SYNE1: variants seen among roughly 807,000 people sequenced by gnomAD.
SYNE1 encodes the protein spectrin repeat containing nuclear envelope protein 1, also known as nesprin-1.
Under a neutral mutation model 1,111.0 loss-of-function variants are expected in SYNE1, and 616 were observed. That is an observed-to-expected ratio of 0.55 (90% CI 0.52 to 0.59). SYNE1 has a LOEUF of 0.59. SYNE1 is among the 20% of genes least tolerant of loss of function. The probability of loss-of-function intolerance (pLI) is 0.00; values close to 1 mark genes in which losing one functional copy is unlikely to be tolerated. For synonymous variants in SYNE1, 3,855 were observed against 3,825.8 expected (o/e 1.01, Z -0.28); for missense variants, 10,006 against 10,417.0 (o/e 0.96, Z 1.72).
Position 152,225,851 on chromosome 6 carries a change from T to C in SYNE1, c.21221A>G (p.Lys7074Arg), listed in dbSNP as rs749981989. Residue 7074 changes from lysine (K) to arginine (R), a missense_variant, in exon 116 of 146, where the codon AAA becomes AGA. Coordinates refer to ENST00000367255, the MANE Select transcript of SYNE1 (RefSeq NM_182961.4). ...CQDLEDLIKA[K>R]EKEVEKIEQN... ...CTCAATTTTCTCTACTTCTTTTTCT[T>C]TTGCTTTAATCAAATCTTCCAGATC... 9 of 1,613,722 alleles carry C rather than the reference T, an allele frequency of 5.6e-6. No homozygotes were observed. Among genetic ancestry groups the C allele is most frequent in the Non-Finnish European group, 7.6e-6 (9 of 1,179,942 alleles).
In SYNE1 at chr6:152,362,207, T is replaced by C; in HGVS notation, c.10262A>G (p.Glu3421Gly). Reference protein sequence around the residue: ...NLNESERQHAELRDKTTMLGK... With the variant: ...NLNESERQHAGLRDKTTMLGK... ...GAGCATCGTTGTTTTATCCCGCAGC[T>C]CCGCATGCTGCCTTTCTGATTCATT... Residue 3421 changes from glutamate (E) to glycine (G), a missense_variant, in exon 64 of 146, where the codon GAG becomes GGG. Glu to Gly is a moderately conservative substitution (Grantham distance 98, BLOSUM62 -2). Around this residue, in one of 7 missense-constraint regions of SYNE1, gnomAD observed 4,955 missense variants for 5,017.2 expected, o/e 0.99. Coordinates refer to ENST00000367255, the MANE Select transcript of SYNE1 (RefSeq NM_182961.4). 1 of 1,614,238 alleles carries C rather than the reference T, an allele frequency of 6.2e-7. No individual in the cohort carries two copies. Among genetic ancestry groups the C allele is most frequent in the African/African-American group, 1.3e-5 (1 of 75,060 alleles).
intron 98 of SYNE1, among the ~76,000 whole-genome samples, chr6:152,272,118 A>C (rs2093259710): frequency 6.6e-6 from 1 of 152,226 alleles, no homozygotes; most frequent in South Asian, 2.1e-4. Context: ...GGTTAGACTC[A>C]GTTTTTCAGT....
chr6:152,139,891 C>T (rs1028783821), intron 140 of SYNE1, 59 bp downstream of exon 140: 29 of 1,580,064 alleles, frequency 1.8e-5, no homozygotes, highest in South Asian at 3.4e-5. Context: ...GCCATCTGCA[C>T]GGTCGTTCAC....
Position 152,309,951 on chromosome 6 carries a change from G to C in SYNE1, c.17086C>G (p.Leu5696Val). 22 of 1,614,084 alleles carry C rather than the reference G, an allele frequency of 1.4e-5. No homozygotes were observed. The highest frequency in any genetic ancestry group is 1.9e-5 in the Non-Finnish European group (22 of 1,180,022). The change falls in exon 90 of 146, where the codon CTC becomes GTC. Residue 5696 changes from leucine to valine, a missense_variant. Leu to Val is a conservative substitution (Grantham distance 32). Around this residue, in one of 7 missense-constraint regions of SYNE1, gnomAD observed 4,955 missense variants for 5,017.2 expected, o/e 0.99. Coordinates refer to ENST00000367255, the MANE Select transcript of SYNE1 (RefSeq NM_182961.4). ...GCAACCACATCCTCGGGGATCCGGA[G>C]GGCACTCTGGCAGAGCTGCACTGCT... Reference protein sequence around the residue: ...VQAVQLCQSALRIPEDVVASL... With the variant: ...VQAVQLCQSAVRIPEDVVASL...
rs186025851 is a variant in SYNE1 at position 152,450,989 on chromosome 6, C to G, written c.3186+58G>C. 1,042 of 1,611,972 alleles carry G rather than the reference C, an allele frequency of 6.5e-4. 1 individual carries two copies. Among genetic ancestry groups the G allele is most frequent in the Non-Finnish European group, 8.4e-4 (992 of 1,178,520 alleles). The stretch of plus-strand genomic sequence containing the variant: ...ACTCAAACCAAAATATTAGTAATAT[C>G]CTTTATGGAACAATGTGACTTGACA... On this transcript the variant is annotated intron_variant, in intron 26 of 145. Transcript: ENST00000367255.
At chr6:152,480,210 A>C (rs750468414) in intron 14 of SYNE1, among the ~76,000 whole-genome samples, 1 of 152,174 alleles carries the variant, frequency 6.6e-6, no homozygotes, top group Non-Finnish European at 1.5e-5. Flanking sequence ...GAAACTTATA[A>C]TTTTTAGTTG....
At chr6:152,248,964 T>C (rs1455326733) in intron 105 of SYNE1, among the ~76,000 whole-genome samples, 197 bp downstream of exon 105, 1 of 152,190 alleles carries the variant, frequency 6.6e-6, no homozygotes, top group Non-Finnish European at 1.5e-5. Flanking sequence ...AGCTCACATT[T>C]CCTAGTTCTG....
At chr6:152,283,845 T>C in intron 96 of SYNE1, 133 bp downstream of exon 96, 1 of 837,210 alleles carries the variant, frequency 1.2e-6, no homozygotes, top group East Asian at 2.6e-5. Flanking sequence ...GTGGAGACCA[T>C]TCTTGAAACA....
chr6:152,626,628 T>TA lies in SYNE1; in HGVS notation c.67+1636dup, dbSNP rs2099686311. Among the ~76,000 whole-genome samples, 8 of 152,326 alleles carry TA rather than the reference T, an allele frequency of 5.3e-5. No homozygotes were observed. The South Asian group carries it at 1.4e-3, about 28-fold the overall frequency. On this transcript the variant is annotated intron_variant, in intron 3 of 145. Coordinates refer to ENST00000367255, the MANE Select transcript of SYNE1 (RefSeq NM_182961.4). ...ATCTATATATTCAGCAAGGATATTT[T>TA]ATCTAACAAGGCTCTTTCTGGCATG... is the stretch of plus-strand genomic sequence containing the variant.
intron 145 of SYNE1, among the ~76,000 whole-genome samples, chr6:152,124,964 G>A (rs1419982349): frequency 2.6e-5 from 4 of 152,136 alleles, no homozygotes; most frequent in Non-Finnish European, 4.4e-5. Context: ...AGTCCTCTGC[G>A]GTGTGTACTT....
At chr6:152,267,997 T>C (rs888118370) in intron 100 of SYNE1, 59 bp downstream of exon 100, 1 of 1,479,562 alleles carries the variant, frequency 6.8e-7, no homozygotes, top group African/African-American at 1.4e-5. Context: ...AGATGTTTAC[T>C]TTTCTTCAAA....
intron 131 of SYNE1, among the ~76,000 whole-genome samples, chr6:152,157,247 TA>T (rs1337987428): frequency 2.6e-5 from 4 of 152,148 alleles, no homozygotes; most frequent in Non-Finnish European, 5.9e-5. Flanking sequence ...TATTCGGTCA[TA>T]AAAAAATGAA....
rs201898019 is a variant in SYNE1, at chr6:152,141,335, T to C, written c.25120-6A>G. On this transcript the variant is annotated splice_polypyrimidine_tract_variant and splice_region_variant and intron_variant, in intron 138 of 145. Transcript: ENST00000367255. ...CATTCGCCCAGCAGTTTCATCTGTT[T>C]AGACATAAACAACCGGCCCCTGTCA... is the stretch of plus-strand genomic sequence containing the variant. The C allele has an allele frequency of 1.3e-4, 203 of 1,613,792 alleles. No homozygotes were observed. Among genetic ancestry groups the C allele is most frequent in the Non-Finnish European group, 1.9e-5 (22 of 1,179,988 alleles).
chr6:152,432,488 G>A (rs1005304168), intron 34 of SYNE1, among the ~76,000 whole-genome samples: 48 of 151,834 alleles, frequency 3.2e-4, no homozygotes, highest in African/African-American at 7.3e-4. Context: ...CTTATTGGAC[G>A]TATTGAAATG....
intron 2 of SYNE1, among the ~76,000 whole-genome samples, chr6:152,630,759 A>G (rs1431820516): frequency 6.6e-6 from 1 of 152,204 alleles, no homozygotes; most frequent in Non-Finnish European, 1.5e-5. Context: ...GATGATTAAC[A>G]CACAGTCCCC....
rs748088943 is a variant in SYNE1, at chr6:152,455,998, A to G, written c.2615T>C (p.Ile872Thr). The G allele has an allele frequency of 6.8e-6, 11 of 1,613,974 alleles. 1 individual carries two copies. In the South Asian group the frequency reaches 9.9e-5, roughly 14 times the overall value. ...TTGAACACTTTGACTGCCTTTCTCAATAAGTGTCAAGGTTTTCTTACAGTT... is the reference window on the plus strand; with the variant it reads ...TTGAACACTTTGACTGCCTTTCTCAGTAAGTGTCAAGGTTTTCTTACAGTT... Reference protein sequence around the residue: ...QENCKKTLTLIEKGSQSVQKF... With the variant: ...QENCKKTLTLTEKGSQSVQKF... The change falls in exon 23 of 146, where the codon ATT becomes ACT. Residue 872 changes from isoleucine to threonine, a missense_variant. Ile to Thr is a moderately conservative substitution (Grantham distance 89). This residue lies in a region of SYNE1 where 1,971 missense variants were observed against 2,084.1 expected (regional missense o/e 0.95). Transcript: ENST00000367255.
At chr6:152,464,845 A>G in intron 18 of SYNE1, 1 of 269,740 alleles carries the variant, frequency 3.7e-6, no homozygotes, top group East Asian at 9.5e-5. Context: ...AAAACAGAAT[A>G]TCTAACGAGA....
Position 152,268,388 on chromosome 6 carries a change from T to TAA in SYNE1, c.18706-225_18706-224dup, listed in dbSNP as rs11427099. On this transcript the variant is annotated intron_variant, in intron 99 of 145. Transcript: ENST00000367255. ...GGATACCTCTGAAAAATCTGGGGGT[T>TAA]AAAAAAAAAAAAAAAACCACCAATG... 0.028 allele frequency among the ~76,000 whole-genome samples: 4,045 copies of TAA among 142,214 alleles called. 80 individuals carry two copies. Among genetic ancestry groups the TAA allele is most frequent in the African/African-American group, 0.054 (2,082 of 38,832 alleles). 93.3% of individuals were successfully genotyped at this position (142,214 alleles called of 152,430 possible).
intron 90 of SYNE1, 139 bp downstream of exon 90, chr6:152,309,696 C>T (rs1423793718): frequency 9.1e-7 from 1 of 1,100,666 alleles, no homozygotes; most frequent in African/African-American, 1.5e-5. Flanking sequence ...ATTTTAATCT[C>T]CTTATTTTAT....
Sources: gnomAD v4.1 joint callset for allele counts (sites outside exome capture counted in the v4.1 genomes callset) on GRCh38, gnomAD v4.1.1 for gene constraint, gnomAD v4.1.1 regional missense constraint, MANE v1.5 for transcripts, NCBI Gene and HGNC (gene_info 2026-07-23, HGNC 2026-07-21) for gene names.